Variants in CRB1 observed in about 807,000 individuals in gnomAD.
CRB1 encodes crumbs cell polarity complex component 1.
In CRB1, 83 loss-of-function variants were observed where a neutral mutation model predicts 120.0. The observed-to-expected ratio is 0.69, with a 90% confidence interval of 0.58 to 0.83. The LOEUF (loss-of-function observed/expected upper bound fraction) is 0.83, where lower values mean the gene tolerates loss of function less well. Ranked by LOEUF, CRB1 falls within the 40% of genes least tolerant of loss-of-function variation. The pLI is 0.00. For missense variants in CRB1, 1,699 were observed against 1,687.6 expected (o/e 1.01, Z -0.12); for synonymous variants, 625 against 612.5 (o/e 1.02, Z -0.30).
Position 197,270,569 on chromosome 1 carries a change from T to C in CRB1, c.70+2087T>C, listed in dbSNP as rs190929230. ...CAGAATAGTTAAATATAAACATATC[T>C]CTCTCTTCAATGAGATTATTTAGGA... On this transcript the variant is annotated intron_variant, in intron 1 of 11. Transcript: ENST00000367400. 7.2e-3 allele frequency among the ~76,000 whole-genome samples: 1,090 copies of C among 152,302 alleles called. 16 individuals carry two copies. The highest frequency in any genetic ancestry group is 0.023 in the African/African-American group (943 of 41,574).
intron 1 of CRB1, among the ~76,000 whole-genome samples, chr1:197,292,673 C>T (rs1369309007): frequency 6.6e-6 from 1 of 152,080 alleles, no homozygotes. Context: ...AAAATACTGG[C>T]AAACCGAATC....
intron 5 of CRB1, among the ~76,000 whole-genome samples, chr1:197,385,158 T>C (rs1662150467): frequency 6.6e-6 from 1 of 152,290 alleles, no homozygotes; most frequent in Non-Finnish European, 1.5e-5. Flanking sequence ...CCAGCTCATA[T>C]CACAACTTCT....
rs1178115787 is a variant in CRB1, at chr1:197,463,359, C to CA, written c.4006-14297dup. Among the ~76,000 whole-genome samples the CA allele has an allele frequency of 9.9e-5, 15 of 151,402 alleles. No individual in the cohort carries two copies. The East Asian group carries it at 1.2e-3, about 12-fold the overall frequency. On this transcript the variant is annotated intron_variant, in intron 11 of 11. Transcript: ENST00000367400. Reference sequence around the variant, plus strand: ...TGTAGTTATTCTCACATGCAAAGTCCAAAAAAAACAAAACACACACACACT... The same window carrying CA: ...TGTAGTTATTCTCACATGCAAAGTCCAAAAAAAAACAAAACACACACACACT...
chr1:197,360,371 T>C (rs1343439767), intron 5 of CRB1: 1 of 152,262 alleles, frequency 6.6e-6, no homozygotes, highest in Non-Finnish European at 1.5e-5. Flanking sequence ...CAGCATGAAA[T>C]GGTTGCATGC....
At chr1:197,348,363 TC>T (rs774840844) in intron 4 of CRB1, among the ~76,000 whole-genome samples, 1 of 152,214 alleles carries the variant, frequency 6.6e-6, no homozygotes, top group Admixed American at 6.5e-5. Flanking sequence ...TAATCCTGAC[TC>T]CATGTAGGCC....
intron 1 of CRB1, among the ~76,000 whole-genome samples, chr1:197,309,855 T>TA (rs1355522617): frequency 6.6e-6 from 1 of 152,152 alleles, no homozygotes; most frequent in Non-Finnish European, 1.5e-5. Context: ...CTGGGTATGT[T>TA]ATTTATGAGC....
At chr1:197,263,394 C>T (rs1287531107), upstream of CRB1, among the ~76,000 whole-genome samples, 1 of 151,890 alleles carries the variant, frequency 6.6e-6, no homozygotes, top group Non-Finnish European at 1.5e-5. Context: ...GCTTGTTGAA[C>T]TGATTAAGTT....
At chr1:197,476,028 G>A (rs1434378167) in intron 11 of CRB1, among the ~76,000 whole-genome samples, 1 of 151,936 alleles carries the variant, frequency 6.6e-6, no homozygotes, top group Non-Finnish European at 1.5e-5. Flanking sequence ...TTCTGCCTCA[G>A]CCTCCCAAGT....
Position 197,418,068 on chromosome 1 carries a change from C to T in CRB1, c.1172-2932C>T, listed in dbSNP as rs561211142. On this transcript the variant is annotated intron_variant, in intron 5 of 11. Coordinates refer to ENST00000367400, the MANE Select transcript of CRB1 (RefSeq NM_201253.3). ...AAGACTTATCTAGAGGCAATGAAAC[C>T]CTTCCCCAGTTAAATATGTTTCAAG... is the stretch of plus-strand genomic sequence containing the variant. Among the ~76,000 whole-genome samples the T allele has an allele frequency of 2.0e-5, 3 of 151,870 alleles. No homozygotes were observed. In the East Asian group the frequency reaches 5.8e-4, roughly 29 times the overall value.
chr1:197,304,061 A>G (rs1427950056), intron 1 of CRB1, among the ~76,000 whole-genome samples: 2 of 152,206 alleles, frequency 1.3e-5, no homozygotes, highest in Non-Finnish European at 2.9e-5. Context: ...TACTCTAAAG[A>G]TCTTTCAACA....
At chr1:197,472,892 G>A (rs1667042717) in intron 11 of CRB1, among the ~76,000 whole-genome samples, 1 of 152,162 alleles carries the variant, frequency 6.6e-6, no homozygotes, top group Non-Finnish European at 1.5e-5. Context: ...TAATAAACAA[G>A]AGTAATCACA....
intron 1 of CRB1, among the ~76,000 whole-genome samples, chr1:197,278,192 G>A (rs752820948): frequency 5.3e-5 from 8 of 151,874 alleles, no homozygotes; most frequent in Non-Finnish European, 1.0e-4. Flanking sequence ...TAGGTCACTA[G>A]GGTGGAGGCC....
chr1:197,444,933 A>ACACC (rs1553265041), intron 11 of CRB1: 49 of 149,606 alleles, frequency 3.3e-4, no homozygotes, highest in African/African-American at 9.3e-4. Context: ...ACACACACAC[A>ACACC]CCACAGAAGT....
chr1:197,202,882 AC>A, the CRB1 span, among the ~76,000 whole-genome samples: 2 of 152,196 alleles, frequency 1.3e-5, no homozygotes, highest in Admixed American at 1.3e-4. Context: ...ACTTGAAAAT[AC>A]GTTGCAGGAA....
intron 3 of CRB1, among the ~76,000 whole-genome samples, chr1:197,345,881 C>T (rs897601960): frequency 6.6e-6 from 1 of 151,988 alleles, no homozygotes; most frequent in Non-Finnish European, 1.5e-5. Context: ...CCATGTCTTG[C>T]CTTTGACTTT....
chr1:197,362,493 G>A (rs1431744114), intron 5 of CRB1, among the ~76,000 whole-genome samples: 2 of 151,956 alleles, frequency 1.3e-5, no homozygotes, highest in African/African-American at 4.8e-5. Context: ...TATAATTATG[G>A]ATTTGTCTCT....
At chr1:197,329,416 T>C (rs544080510) in intron 2 of CRB1, among the ~76,000 whole-genome samples, 1 of 152,246 alleles carries the variant, frequency 6.6e-6, no homozygotes, top group African/African-American at 2.4e-5. Flanking sequence ...AGTGCTGACT[T>C]GAGTATTATC....
chr1:197,244,395 T>G, the CRB1 span, among the ~76,000 whole-genome samples: 1 of 152,180 alleles, frequency 6.6e-6, no homozygotes, highest in East Asian at 1.9e-4. Flanking sequence ...TAGAATGTCT[T>G]GGTATCTGTT....
chr1:197,363,819 G>T, intron 5 of CRB1: 1 of 793,934 alleles, frequency 1.3e-6, no homozygotes, highest in South Asian at 1.4e-5. Flanking sequence ...CCAAGTTCAT[G>T]GCAAAACATC....
Sources: allele counts gnomAD v4.1 joint callset (sites outside exome capture counted in the v4.1 genomes callset), GRCh38; gene constraint gnomAD v4.1.1; transcripts MANE v1.5; gene names NCBI Gene and HGNC (gene_info 2026-07-23, HGNC 2026-07-21).